The following APBA2 variants were observed in gnomAD, a reference collection of about 807,000 sequenced individuals.
The protein encoded by APBA2 is amyloid-beta A4 precursor protein-binding family A member 2.
Under a neutral mutation model 75.0 loss-of-function variants are expected in APBA2, and 30 were observed. The observed-to-expected ratio is 0.40, with a 90% CI of 0.30 to 0.54. The LOEUF is 0.54. APBA2 is among the 20% of genes least tolerant of loss of function. The pLI, the probability that APBA2 is intolerant of heterozygous loss-of-function variation, is 0.49. For missense variants in APBA2, 801 were observed against 1,016.1 expected (o/e 0.79, Z 2.88); for synonymous variants, 444 against 409.6 (o/e 1.08, Z -1.01).
At chr15:28,968,754 T>C (rs985267109) in intron 2 of APBA2, among the ~76,000 whole-genome samples, 1 of 152,158 alleles carries the variant, frequency 6.6e-6, no homozygotes, top group Non-Finnish European at 1.5e-5. Context: ...CAAAATGAGG[T>C]CATTAGGGCA....
chr15:28,898,249 C>T (rs1433735629), intron 1 of APBA2, among the ~76,000 whole-genome samples: 1 of 152,130 alleles, frequency 6.6e-6, no homozygotes, highest in African/African-American at 2.4e-5. Flanking sequence ...TCACAGCAAC[C>T]GTTGGAAATG....
In APBA2 at chr15:28,918,613, G is replaced by A. The variant is rs2033802384; in HGVS notation, c.-204-3027G>A. ...TTTAAAGGAGTGCCTGATGCGTGTG[G>A]GTGTGGTGGGGTTGGGGGTGGGGGT... On this transcript the variant is annotated intron_variant, in intron 1 of 14. Coordinates refer to ENST00000683413, the MANE Select transcript of APBA2 (RefSeq NM_001353788.2). This position sits in a 1 kb window ranked among gnomAD's most constrained non-coding sequence, Gnocchi z 4.2. Among the ~76,000 whole-genome samples the A allele has an allele frequency of 6.6e-6, 1 of 151,352 alleles. No individual in the cohort carries two copies. Among genetic ancestry groups the A allele is most frequent in the Non-Finnish European group, 1.5e-5 (1 of 67,792 alleles).
At chr15:28,899,056 T>C (rs1185341523) in intron 1 of APBA2, among the ~76,000 whole-genome samples, 1 of 152,246 alleles carries the variant, frequency 6.6e-6, no homozygotes, top group Admixed American at 6.5e-5. Flanking sequence ...TCAAACGTTA[T>C]GTGGTTGCAG....
At chr15:28,933,801 G>A (rs1311141930) in intron 2 of APBA2, among the ~76,000 whole-genome samples, 2 of 152,234 alleles carry the variant, frequency 1.3e-5, no homozygotes, top group South Asian at 2.1e-4. Context: ...ACTGAGGGTA[G>A]AATAATGACA....
rs532651336 is a variant in APBA2 at position 29,002,813 on chromosome 15, C to T, written c.-41+7007C>T. ...AGGGTGGCGTCTTGGTGGCCGCATACTGTGAATGTCAAGGGAGACGAAGAG... is the reference window on the plus strand; with the variant it reads ...AGGGTGGCGTCTTGGTGGCCGCATATTGTGAATGTCAAGGGAGACGAAGAG... On this transcript the variant is annotated intron_variant, in intron 3 of 14. Coordinates refer to ENST00000683413, the MANE Select transcript of APBA2 (RefSeq NM_001353788.2). Among the ~76,000 whole-genome samples the T allele has an allele frequency of 2.0e-4, 30 of 152,106 alleles. No individual in the cohort carries two copies. In the East Asian group the frequency reaches 5.8e-3, roughly 29 times the overall value.
intron 1 of APBA2, among the ~76,000 whole-genome samples, chr15:28,915,681 A>G (rs2033658813): frequency 6.6e-6 from 1 of 150,992 alleles, no homozygotes; most frequent in African/African-American, 2.4e-5. Flanking sequence ...TGCACATCCC[A>G]TACACACCAC....
Position 29,117,073 on chromosome 15 carries a change from G to C in APBA2, c.2190G>C (p.Lys730Asn). ...LSNSVGEIHM[K>N]TMPAAMFRLL... is the part of the protein sequence containing the mutation. ...GTTTCTGTCCGCAGATCCACATGAA[G>C]ACCATGCCCGCCGCCATGTTCAGGC... Residue 730 changes from lysine to asparagine, a missense_variant, in exon 15 of 15, where the codon AAG (lysine) becomes AAC (asparagine). This residue lies in a region of APBA2 where 367 missense variants were observed against 544.5 expected (regional missense o/e 0.67). Coordinates refer to ENST00000683413, the MANE Select transcript of APBA2 (RefSeq NM_001353788.2). The C allele has an allele frequency of 6.2e-7, 1 of 1,613,188 alleles. No homozygotes were observed. The highest frequency in any genetic ancestry group is 8.5e-7 in the Non-Finnish European group (1 of 1,179,924).
intron 3 of APBA2, among the ~76,000 whole-genome samples, chr15:29,014,372 A>C (rs1156841262): frequency 1.3e-5 from 2 of 152,204 alleles, no homozygotes; most frequent in Non-Finnish European, 2.9e-5. Context: ...ATTCTTACCG[A>C]ATTCATTTAT....
chr15:28,892,310 C>T (rs2032186059), intron 1 of APBA2, among the ~76,000 whole-genome samples: 1 of 152,196 alleles, frequency 6.6e-6, no homozygotes. Context: ...CTCCTGACCT[C>T]ATGATCCGCC....
intron 13 of APBA2, 95 bp downstream of exon 13, chr15:29,108,484 G>T: frequency 3.1e-6 from 5 of 1,595,884 alleles, no homozygotes; most frequent in Non-Finnish European, 4.3e-6. Flanking sequence ...ATGTCTGGCA[G>T]CCTGGTAGGA....
chr15:28,902,284 C>T (rs368885532), intron 1 of APBA2, among the ~76,000 whole-genome samples: 4 of 152,086 alleles, frequency 2.6e-5, no homozygotes, highest in Admixed American at 6.5e-5. Context: ...CTTCTGTATC[C>T]GTCCTCCCCC....
At chr15:29,055,094 C>T (rs1161777102) in intron 4 of APBA2, among the ~76,000 whole-genome samples, 1 of 152,176 alleles carries the variant, frequency 6.6e-6, no homozygotes, top group Non-Finnish European at 1.5e-5. Context: ...CAGAAGACAC[C>T]CCTCCTCCCA....
chr15:29,069,346 C>T (rs1242979304), intron 4 of APBA2, among the ~76,000 whole-genome samples: 1 of 152,208 alleles, frequency 6.6e-6, no homozygotes, highest in Non-Finnish European at 1.5e-5. Context: ...TGTGTAGACA[C>T]TTGCTTTCAG....
intron 3 of APBA2, chr15:29,044,283 G>A (rs1371581063): frequency 1.3e-5 from 2 of 152,168 alleles, no homozygotes; most frequent in African/African-American, 4.8e-5. Context: ...TTGACAATGA[G>A]CCTTTATTTC....
chr15:28,936,893 C>G (rs1193714880), intron 2 of APBA2, among the ~76,000 whole-genome samples: 1 of 152,174 alleles, frequency 6.6e-6, no homozygotes, highest in African/African-American at 2.4e-5. Flanking sequence ...TCGATCTACC[C>G]TCATGCAGAT....
chr15:28,937,065 A>T (rs577471822), intron 2 of APBA2, among the ~76,000 whole-genome samples: 11 of 152,090 alleles, frequency 7.2e-5, no homozygotes, highest in Non-Finnish European at 1.5e-4. Flanking sequence ...TCCTGGCTCT[A>T]CCTCCAGGAT....
At chr15:29,098,098 G>A (rs2043939196) in intron 8 of APBA2, among the ~76,000 whole-genome samples, 1 of 152,208 alleles carries the variant, frequency 6.6e-6, no homozygotes, top group Non-Finnish European at 1.5e-5. Flanking sequence ...TGTGGATAGT[G>A]CTGCCGTGAG....
intron 3 of APBA2, among the ~76,000 whole-genome samples, chr15:29,000,310 G>C (rs2038778256): frequency 6.6e-6 from 1 of 152,230 alleles, no homozygotes; most frequent in African/African-American, 2.4e-5. Context: ...GTGATCCTGA[G>C]AAGGGGGACT....
intron 1 of APBA2, among the ~76,000 whole-genome samples, chr15:28,898,684 G>A (rs36154291): frequency 0.68 from 102,841 of 152,092 alleles, 41,365 homozygotes; most frequent in Non-Finnish European, 0.9. Context: ...TTTTCTGTAT[G>A]TATATATTTC....
Sources: gnomAD v4.1 joint callset for allele counts (sites outside exome capture counted in the v4.1 genomes callset) on GRCh38, gnomAD v4.1.1 for gene constraint, gnomAD v4.1.1 regional missense constraint, Gnocchi (gnomAD v3.1) non-coding constraint, MANE v1.5 for transcripts, NCBI Gene and HGNC (gene_info 2026-07-23, HGNC 2026-07-21) for gene names.